Variants in ERC2 observed in about 807,000 individuals in gnomAD.
ERC2 encodes the protein ERC protein 2.
In ERC2, 42 loss-of-function variants were observed where a neutral mutation model predicts 114.8. The observed-to-expected ratio is 0.37, with a 90% confidence interval of 0.29 to 0.47. ERC2 has a LOEUF of 0.47. Among genes scored for constraint, ERC2 ranks in the 20% least tolerant of loss-of-function variants. The probability of loss-of-function intolerance (pLI) is 0.99; values close to 1 mark genes in which losing one functional copy is unlikely to be tolerated. For synonymous variants in ERC2, 454 were observed against 425.5 expected, an observed-to-expected ratio of 1.07 and a Z score of -0.82; for missense variants, 939 against 1,150.7, an observed-to-expected ratio of 0.82 and a Z score of 2.66.
chr3:55,916,904 A>C (rs1422316159), intron 13 of ERC2, among the ~76,000 whole-genome samples: 1 of 152,198 alleles, frequency 6.6e-6, no homozygotes, highest in Non-Finnish European at 1.5e-5. Flanking sequence ...GCACTCAATA[A>C]ATATATGCTA....
chr3:55,665,810 G>C (rs2061336544), intron 17 of ERC2, among the ~76,000 whole-genome samples: 1 of 152,192 alleles, frequency 6.6e-6, no homozygotes, highest in African/African-American at 2.4e-5. Context: ...ACTGGGCAAG[G>C]GTTCACTGCA....
intron 2 of ERC2, among the ~76,000 whole-genome samples, chr3:56,307,646 C>T (rs932214222): frequency 2.0e-5 from 3 of 152,168 alleles, no homozygotes; most frequent in Admixed American, 2.0e-4. Context: ...ACCAATCAGG[C>T]CACTGAAACA....
chr3:55,668,060 T>C (rs1176510297), intron 17 of ERC2, among the ~76,000 whole-genome samples: 1 of 152,160 alleles, frequency 6.6e-6, no homozygotes, highest in African/African-American at 2.4e-5. Flanking sequence ...GATTGCTGAA[T>C]GCATAATAAA....
intron 16 of ERC2, among the ~76,000 whole-genome samples, chr3:55,685,576 C>T (rs2062286266): frequency 6.6e-6 from 1 of 151,998 alleles, no homozygotes. Context: ...ACCATGAGAC[C>T]CTAGGCCATT....
At chr3:55,836,260 G>C (rs2060879544) in intron 14 of ERC2, among the ~76,000 whole-genome samples, 1 of 152,112 alleles carries the variant, frequency 6.6e-6, no homozygotes, top group Admixed American at 6.6e-5. Flanking sequence ...CTACTTTAAA[G>C]TTCACATGGA....
At chr3:55,972,062 G>A (rs769395210) in intron 12 of ERC2, among the ~76,000 whole-genome samples, 3 of 152,042 alleles carry the variant, frequency 2.0e-5, no homozygotes, top group Non-Finnish European at 4.4e-5. Flanking sequence ...GCCAATCTAT[G>A]TACCTATCAT....
At chr3:56,249,986 T>C (rs779881524) in intron 3 of ERC2, among the ~76,000 whole-genome samples, 4 of 150,290 alleles carry the variant, frequency 2.7e-5, no homozygotes, top group Non-Finnish European at 5.9e-5. Flanking sequence ...GCCTCCTGAG[T>C]AGCTGGGATT....
At chr3:56,046,738 G>A (rs1413591330) in intron 7 of ERC2, among the ~76,000 whole-genome samples, 1 of 152,146 alleles carries the variant, frequency 6.6e-6, no homozygotes, top group Admixed American at 6.5e-5. Context: ...GAGAGAAGAG[G>A]CACAAAAAGA....
chr3:55,594,130 C>T (rs1228965180), intron 17 of ERC2, among the ~76,000 whole-genome samples: 1 of 152,134 alleles, frequency 6.6e-6, no homozygotes, highest in African/African-American at 2.4e-5. Flanking sequence ...CTTTTTTCCT[C>T]CTGTATTGTC....
chr3:55,664,259 TATAGGTGGTTGCAAA>T (rs2061264060), intron 17 of ERC2, among the ~76,000 whole-genome samples: 1 of 152,232 alleles, frequency 6.6e-6, no homozygotes. Context: ...TTAACAAGTT[TATAGGTGGTTGCAAA>T]ATCGACTTGA....
At chr3:55,746,555 T>C (rs769563175) in intron 14 of ERC2, among the ~76,000 whole-genome samples, 4 of 152,138 alleles carry the variant, frequency 2.6e-5, no homozygotes, top group Non-Finnish European at 5.9e-5. Context: ...AGTGGATCTT[T>C]GTAGAGAGAA....
chr3:55,997,996 C>T (rs1307885169), intron 10 of ERC2, among the ~76,000 whole-genome samples: 1 of 134,244 alleles, frequency 7.4e-6, no homozygotes, highest in African/African-American at 2.8e-5. Flanking sequence ...AACTCCTGAG[C>T]TCAAGTGATC....
intron 14 of ERC2, among the ~76,000 whole-genome samples, chr3:55,771,680 C>T (rs1215567768): frequency 1.3e-5 from 2 of 152,024 alleles, no homozygotes; most frequent in Admixed American, 1.3e-4. Flanking sequence ...CCAATTAACA[C>T]AATCTGTCAA....
At chr3:55,635,506 T>G (rs999081153) in intron 17 of ERC2, among the ~76,000 whole-genome samples, 5 of 152,014 alleles carry the variant, frequency 3.3e-5, no homozygotes, top group Non-Finnish European at 7.4e-5. Flanking sequence ...TTCTTGTACC[T>G]CAGCCTCCCA....
chr3:56,339,511 C>T (rs1331333742), intron 2 of ERC2, among the ~76,000 whole-genome samples: 2 of 152,004 alleles, frequency 1.3e-5, no homozygotes, highest in Non-Finnish European at 2.9e-5. Flanking sequence ...CTGAGAGGCA[C>T]TTAAAGGCCT....
At chr3:56,142,153 A>T (rs2080891675) in intron 5 of ERC2, among the ~76,000 whole-genome samples, 1 of 152,128 alleles carries the variant, frequency 6.6e-6, no homozygotes, top group Non-Finnish European at 1.5e-5. Context: ...GTCAGTGTTG[A>T]TACATTTTTT....
chr3:55,896,739 A>C (rs2063858063), intron 13 of ERC2, among the ~76,000 whole-genome samples: 1 of 152,242 alleles, frequency 6.6e-6, no homozygotes, highest in South Asian at 2.1e-4. Flanking sequence ...CAAAGATTAC[A>C]TTTTTAAAAT....
intron 17 of ERC2, among the ~76,000 whole-genome samples, chr3:55,605,373 G>C (rs2058599127): frequency 6.6e-6 from 1 of 152,146 alleles, no homozygotes; most frequent in African/African-American, 2.4e-5. Flanking sequence ...TGGGATTACA[G>C]ACATCAGCCA....
At chr3:55,714,661 G>GTA (rs59260283) in intron 15 of ERC2, among the ~76,000 whole-genome samples, 1 of 71,738 alleles carries the variant, frequency 1.4e-5, no homozygotes, top group South Asian at 4.9e-4. Context: ...GTGTGTGTGT[G>GTA]TGTGTGTATA....
Sources: allele counts gnomAD v4.1 joint callset (sites outside exome capture counted in the v4.1 genomes callset), GRCh38; gene constraint gnomAD v4.1.1; transcripts MANE v1.5; gene names NCBI Gene and HGNC (gene_info 2026-07-23, HGNC 2026-07-21).